The following SEPTIN9 variants were observed in gnomAD, a reference collection of about 807,000 sequenced individuals.
SEPTIN9 encodes septin 9, also known as septin-9.
Under a neutral mutation model 56.6 loss-of-function variants are expected in SEPTIN9, and 13 were observed. That is an observed-to-expected ratio of 0.23 (90% CI 0.15 to 0.37). The LOEUF (loss-of-function observed/expected upper bound fraction) is 0.37. Among genes scored for constraint, SEPTIN9 ranks in the 10% least tolerant of loss-of-function variants. The pLI, the probability that SEPTIN9 is intolerant of heterozygous loss-of-function variation, is 1.00. For missense variants in SEPTIN9, 650 were observed against 823.1 expected (o/e 0.79, Z 2.57); for synonymous variants, 332 against 334.1 (o/e 0.99, Z 0.07).
chr17:77,382,874 C>G (rs1317205156), intron 2 of SEPTIN9, among the ~76,000 whole-genome samples: 3 of 151,964 alleles, frequency 2.0e-5, no homozygotes, highest in Admixed American at 1.3e-4. Flanking sequence ...CCTCCCTAGC[C>G]CCGCTGCCCT....
In SEPTIN9 at chr17:77,475,961, T is replaced by G. The variant is rs1568101627; in HGVS notation, c.722-6183T>G. The G allele has an allele frequency of 6.4e-7, 1 of 1,555,180 alleles. No homozygotes were observed. Among genetic ancestry groups the G allele is most frequent in the South Asian group, 1.2e-5 (1 of 83,148 alleles). On this transcript the variant is annotated intron_variant, in intron 3 of 11. Transcript: ENST00000427177. The surrounding 1 kb of genome is among the most constrained non-coding windows in gnomAD (Gnocchi z 4.6). ...TCTGAGAGCCAGGTGTGGGTTGGGT[T>G]TGGGGAAGACAGGGGAATGGCATTG...
At chr17:77,452,686 G>A (rs1028969665) in intron 3 of SEPTIN9, among the ~76,000 whole-genome samples, 1 of 151,958 alleles carries the variant, frequency 6.6e-6, no homozygotes, top group Non-Finnish European at 1.5e-5. Flanking sequence ...TGGAAGAGGA[G>A]GAAGCAGAAA....
chr17:77,336,583 GA>G (rs1284807437), intron 2 of SEPTIN9, among the ~76,000 whole-genome samples: 1 of 152,122 alleles, frequency 6.6e-6, no homozygotes, highest in Non-Finnish European at 1.5e-5. Context: ...AAATACAATA[GA>G]TTTTTGTATG....
intron 1 of SEPTIN9, among the ~76,000 whole-genome samples, chr17:77,294,126 A>C (rs1006939985): frequency 6.6e-6 from 1 of 150,840 alleles, no homozygotes; most frequent in Non-Finnish European, 1.5e-5. Flanking sequence ...AAAACAACAA[A>C]AAAAAACATA....
chr17:77,491,029 G>A (rs1040818261), intron 8 of SEPTIN9, among the ~76,000 whole-genome samples, 170 bp downstream of exon 8: 11 of 152,156 alleles, frequency 7.2e-5, no homozygotes, highest in Admixed American at 1.3e-4. Context: ...GTGGCTGCTG[G>A]GGGCCGTCCC....
intron 3 of SEPTIN9, among the ~76,000 whole-genome samples, chr17:77,448,513 C>G (rs1598391433): frequency 6.6e-6 from 1 of 151,942 alleles, no homozygotes; most frequent in East Asian, 1.9e-4. Context: ...TGAGACTCTC[C>G]GAGCTGCACT....
In SEPTIN9 at chr17:77,389,401, C is replaced by T. The variant is rs1042675291; in HGVS notation, c.77-12658C>T. Among the ~76,000 whole-genome samples the T allele has an allele frequency of 2.0e-5, 3 of 152,044 alleles. No homozygotes were observed. The highest frequency in any genetic ancestry group is 2.9e-5 in the Non-Finnish European group (2 of 67,996). On this transcript the variant is annotated intron_variant, in intron 2 of 11. Coordinates refer to ENST00000427177, the MANE Select transcript of SEPTIN9 (RefSeq NM_001113491.2). This position sits in a 1 kb window ranked among gnomAD's most constrained non-coding sequence, Gnocchi z 4.3. Reference sequence around the variant, plus strand: ...CGGAGAGCTGCCAGAGAGGCCCTGGCGGGGTGTCTGGGGCCACCTAAAGGG... The same window carrying T: ...CGGAGAGCTGCCAGAGAGGCCCTGGTGGGGTGTCTGGGGCCACCTAAAGGG...
chr17:77,348,607 A>G (rs1037825043), intron 2 of SEPTIN9, among the ~76,000 whole-genome samples: 8 of 152,108 alleles, frequency 5.3e-5, no homozygotes, highest in South Asian at 2.1e-4. Flanking sequence ...GCCTGTTTTG[A>G]CTTTTTAATT....
At chr17:77,302,904 A>G (rs920762287) in intron 1 of SEPTIN9, among the ~76,000 whole-genome samples, 2 of 151,968 alleles carry the variant, frequency 1.3e-5, no homozygotes, top group African/African-American at 4.8e-5. Flanking sequence ...GGGCGCCCTA[A>G]GTTTGCTCTT....
chr17:77,493,202 G>A, intron 10 of SEPTIN9, 126 bp downstream of exon 10: 3 of 697,020 alleles, frequency 4.3e-6, no homozygotes, highest in Non-Finnish European at 7.5e-6. Context: ...GCCCCACCCA[G>A]AGGGAGGGGT....
chr17:77,291,079 A>G, intron 1 of SEPTIN9, among the ~76,000 whole-genome samples: 1 of 128,112 alleles, frequency 7.8e-6, no homozygotes, highest in Admixed American at 8.8e-5. Context: ...TCTGTTGCCC[A>G]GGCTGGAGTG....
At chr17:77,401,986 C>T in intron 2 of SEPTIN9, 73 bp from the exon 3 acceptor site, 1 of 1,513,544 alleles carries the variant, frequency 6.6e-7, no homozygotes, top group East Asian at 2.3e-5. Flanking sequence ...TCTGCTGCTC[C>T]TTAGCAGGAA....
chr17:77,398,925 G>A (rs1195375439), intron 2 of SEPTIN9, among the ~76,000 whole-genome samples: 1 of 152,178 alleles, frequency 6.6e-6, no homozygotes, highest in Non-Finnish European at 1.5e-5. Context: ...ACAGAGGCCA[G>A]CTAGTGGGGA....
At chr17:77,288,221 T>C in intron 1 of SEPTIN9, 23 of 1,046,590 alleles carry the variant, frequency 2.2e-5, no homozygotes, top group Non-Finnish European at 2.7e-5. Context: ...GTGGGTGCAT[T>C]GCTCTCTTTC....
At chr17:77,356,665 TCCCTCC>T (rs2034254576) in intron 2 of SEPTIN9, among the ~76,000 whole-genome samples, 1 of 52,402 alleles carries the variant, frequency 1.9e-5, no homozygotes, top group Non-Finnish European at 3.8e-5. Context: ...CTTCCTGCTT[TCCCTCC>T]CCCTCCCCTC....
rs773550651 is a variant in SEPTIN9 at position 77,499,390 on chromosome 17, G to C, written c.*732G>C. 4.9e-5 allele frequency: 27 copies of C among 547,856 alleles called. No individual in the cohort carries two copies. The highest frequency in any genetic ancestry group is 6.4e-5 in the Non-Finnish European group (18 of 283,112). 33.9% of individuals were successfully genotyped at this position (547,856 alleles called of 1,614,324 possible). A position where few individuals can be genotyped will look rare whatever the true frequency, so the allele number is the denominator to read the frequency against. On this transcript the variant is annotated 3_prime_UTR_variant, in exon 12 of 12. Coordinates refer to ENST00000427177, the MANE Select transcript of SEPTIN9 (RefSeq NM_001113491.2). ...GCCATCCCCCTCTCACGCCACCCCC[G>C]CCCCCACCGGGCTGCAGGTGCTGCT...
intron 3 of SEPTIN9, among the ~76,000 whole-genome samples, chr17:77,413,087 C>CGTGTGTGTGT (rs3047410): frequency 8.1e-4 from 117 of 144,026 alleles, no homozygotes; most frequent in East Asian, 5.2e-3. Flanking sequence ...GCGGGTGGGG[C>CGTGTGTGTGT]GTGTGTGTGT....
intron 4 of SEPTIN9, among the ~76,000 whole-genome samples, chr17:77,486,814 A>G (rs927026753): frequency 2.6e-5 from 4 of 152,200 alleles, no homozygotes; most frequent in Admixed American, 6.5e-5. Flanking sequence ...AGCGCCCCCT[A>G]GCACATGGCC....
At chr17:77,410,129 GA>G (rs901502091) in intron 3 of SEPTIN9, among the ~76,000 whole-genome samples, 1 of 152,156 alleles carries the variant, frequency 6.6e-6, no homozygotes, top group Non-Finnish European at 1.5e-5. Flanking sequence ...GGCCAGGGCT[GA>G]GCTTCCTTCC....
Sources: gnomAD v4.1 joint callset for allele counts (sites outside exome capture counted in the v4.1 genomes callset) on GRCh38, gnomAD v4.1.1 for gene constraint, Gnocchi (gnomAD v3.1) non-coding constraint, MANE v1.5 for transcripts, NCBI Gene and HGNC (gene_info 2026-07-23, HGNC 2026-07-21) for gene names.